The following TNFAIP6 variants were observed in gnomAD, a reference collection of about 807,000 sequenced individuals.
TNFAIP6 encodes the protein TNF alpha induced protein 6, also known as tumor necrosis factor-inducible gene 6 protein.
In TNFAIP6, 36 loss-of-function variants were observed where a neutral mutation model predicts 33.7. That is an observed-to-expected ratio of 1.07 (90% CI 0.82 to 1.41). TNFAIP6 has a LOEUF of 1.41. Among genes scored for constraint, TNFAIP6 ranks in the 40% most tolerant of loss-of-function variants. The pLI is 0.00. For synonymous variants in TNFAIP6, 113 were observed against 112.8 expected (o/e 1.00, Z -0.01); for missense variants, 273 against 331.9 (o/e 0.82, Z 1.38).
At chr2:151,376,877 T>TTG (rs1553467586) in intron 5 of TNFAIP6, among the ~76,000 whole-genome samples, 9 of 145,924 alleles carry the variant, frequency 6.2e-5, no homozygotes, top group Non-Finnish European at 1.2e-4. Flanking sequence ...TTTTTTTTTT[T>TTG]TTTTTTTTGT....
chr2:151,368,426 A>G (rs10432475), intron 3 of TNFAIP6: 11,768 of 148,886 alleles, frequency 0.079, 603 homozygotes, highest in East Asian at 0.17. Flanking sequence ...TTTTCTAGAC[A>G]TTAGACACTT....
At position 151,375,635 on chromosome 2, in the gene TNFAIP6, G is replaced by T. The variant is rs181026585; in HGVS notation, c.664+2046G>T. Among the ~76,000 whole-genome samples the T allele has an allele frequency of 4.6e-4, 70 of 152,020 alleles. No individual in the cohort carries two copies. The East Asian group carries it at 0.011, about 24-fold the overall frequency. Reference sequence around the variant, plus strand: ...AGGCAGGAGAATCGCTTGAACCTGGGAGGCAGAGGTTGCAGTGAGCTGAGA... The same window carrying T: ...AGGCAGGAGAATCGCTTGAACCTGGTAGGCAGAGGTTGCAGTGAGCTGAGA... On this transcript the variant is annotated intron_variant, in intron 5 of 5. Transcript: ENST00000243347.
Position 151,364,053 on chromosome 2 carries a change from A to G in TNFAIP6, c.205A>G (p.Lys69Glu). Residue 69 changes from lysine (K) to glutamate (E), a missense_variant, in exon 2 of 6, where the codon AAG becomes GAG. Physicochemically the swap from Lys to Glu is moderately conservative, Grantham distance 56. Coordinates refer to ENST00000243347, the MANE Select transcript of TNFAIP6 (RefSeq NM_007115.4). ...TGAAGGCGGCCATCTCGCAACTTAC[A>G]AGCAGCTAGAGGCAGCCAGAAAAAT... Reference protein sequence around the residue: ...EFEGGHLATYKQLEAARKIGF... With the variant: ...EFEGGHLATYEQLEAARKIGF... 1 of 1,614,128 alleles carries G rather than the reference A, an allele frequency of 6.2e-7. No individual in the cohort carries two copies. The highest frequency in any genetic ancestry group is 8.5e-7 in the Non-Finnish European group (1 of 1,180,004).
At chr2:151,373,669 G>A (rs982207133) in intron 5 of TNFAIP6, 80 bp downstream of exon 5, 3 of 643,072 alleles carry the variant, frequency 4.7e-6, no homozygotes, top group Non-Finnish European at 7.3e-6. Context: ...CTGTTAAATA[G>A]TAAATAGTAG....
chr2:151,361,938 A>G (rs1228577294), intron 1 of TNFAIP6, among the ~76,000 whole-genome samples: 1 of 152,190 alleles, frequency 6.6e-6, no homozygotes, highest in African/African-American at 2.4e-5. Context: ...TGGAGTTCAG[A>G]AAAACAAGCA....
chr2:151,362,935 T>A (rs1260710576), intron 1 of TNFAIP6, among the ~76,000 whole-genome samples: 1 of 152,238 alleles, frequency 6.6e-6, no homozygotes, highest in Non-Finnish European at 1.5e-5. Context: ...ATTGCTTACC[T>A]TTGCACGTTT....
chr2:151,373,216 G>T (rs1254625059), intron 4 of TNFAIP6, among the ~76,000 whole-genome samples: 1 of 152,136 alleles, frequency 6.6e-6, no homozygotes, highest in Non-Finnish European at 1.5e-5. Context: ...TTGGGAGGCT[G>T]AGGCAGGAGA....
rs35060021 is a variant in TNFAIP6 at position 151,379,531 on chromosome 2, T to TAA, written c.*11_*12dup. 174 of 1,336,012 alleles carry TAA rather than the reference T, an allele frequency of 1.3e-4. No individual in the cohort carries two copies. Among genetic ancestry groups the TAA allele is most frequent in the Admixed American group, 4.5e-4 (17 of 37,546 alleles). 82.8% of individuals were successfully genotyped at this position (1,336,012 alleles called of 1,614,324 possible). A position where few individuals can be genotyped will look rare whatever the true frequency, so the allele number is the denominator to read the frequency against. The change falls in exon 6 of 6, where the codon TAA becomes TAAAA. Residue 278 remains the stop codon, a frameshift_variant and stop_retained_variant. Coordinates refer to ENST00000243347, the MANE Select transcript of TNFAIP6 (RefSeq NM_007115.4). LOFTEE classifies it high-confidence loss of function. The part of the protein sequence containing the change: ...NFLAGRFSHL[*] Reference sequence around the variant, plus strand: ...TTTAGCTGGAAGATTTAGCCACTTATAAAAAAAAAAAAAAGGATGATCAAA... The same window carrying TAA: ...TTTAGCTGGAAGATTTAGCCACTTATAAAAAAAAAAAAAAAAGGATGATCAAA...
At chr2:151,367,694 G>A (rs1487498237) in intron 3 of TNFAIP6, among the ~76,000 whole-genome samples, 3 of 152,004 alleles carry the variant, frequency 2.0e-5, no homozygotes, top group South Asian at 2.1e-4. Flanking sequence ...TACACTCTGG[G>A]AATACAGAAT....
chr2:151,372,685 C>T (rs1426846527), intron 4 of TNFAIP6, among the ~76,000 whole-genome samples: 3 of 152,064 alleles, frequency 2.0e-5, no homozygotes, highest in Non-Finnish European at 4.4e-5. Flanking sequence ...TTTGGGAGGC[C>T]GAGGCAGTTG....
At chr2:151,370,825 C>A (rs1404907877) in intron 4 of TNFAIP6, among the ~76,000 whole-genome samples, 1 of 152,230 alleles carries the variant, frequency 6.6e-6, no homozygotes, top group African/African-American at 2.4e-5. Flanking sequence ...ATCCACACCA[C>A]TTTGGGAGGC....
chr2:151,373,597 T>C lies in TNFAIP6; in HGVS notation c.664+8T>C. On this transcript the variant is annotated splice_region_variant and intron_variant, in intron 5 of 5. Transcript: ENST00000243347. ...ATGACATCATCAGTACAGGTAAGGT[T>C]TTAAATTGAGGACCAAAACTATGAT... The C allele has an allele frequency of 6.6e-7, 1 of 1,512,960 alleles. No individual in the cohort carries two copies. Among genetic ancestry groups the C allele is most frequent in the Non-Finnish European group, 8.9e-7 (1 of 1,120,216 alleles). 93.7% of individuals were successfully genotyped at this position (1,512,960 alleles called of 1,614,324 possible).
At chr2:151,360,464 A>G (rs1684609013) in intron 1 of TNFAIP6, among the ~76,000 whole-genome samples, 1 of 152,194 alleles carries the variant, frequency 6.6e-6, no homozygotes, top group Non-Finnish European at 1.5e-5. Context: ...TACTGCCGCC[A>G]CTCACTAAAA....
At position 151,379,528 on chromosome 2, in the gene TNFAIP6, TTA is replaced by T; in HGVS notation, c.832_833del (p.Ter278LysfsTer35). ...CTTTTTAGCTGGAAGATTTAGCCAC[TTA>T]TAAAAAAAAAAAAAAGGATGATCAA... is the stretch of plus-strand genomic sequence containing the variant. ...KNFLAGRFSH[L>X] On this transcript the variant is annotated frameshift_variant, in exon 6 of 6. Transcript: ENST00000243347. LOFTEE classifies it high-confidence loss of function. 2.0e-6 allele frequency: 3 copies of T among 1,505,346 alleles called. No individual in the cohort carries two copies. Among genetic ancestry groups the T allele is most frequent in the Non-Finnish European group, 1.8e-6 (2 of 1,132,530 alleles). 93.2% of individuals were successfully genotyped at this position (1,505,346 alleles called of 1,614,324 possible).
At chr2:151,362,477 ATTCT>A (rs1684639887) in intron 1 of TNFAIP6, among the ~76,000 whole-genome samples, 2 of 82,810 alleles carry the variant, frequency 2.4e-5, no homozygotes, top group East Asian at 6.8e-4. Flanking sequence ...GTCTTACTAA[ATTCT>A]TTTTTTTTTT....
rs1395660266 is a variant in TNFAIP6, at chr2:151,362,490, T to G, written c.95-1453T>G. On this transcript the variant is annotated intron_variant, in intron 1 of 5. Coordinates refer to ENST00000243347, the MANE Select transcript of TNFAIP6 (RefSeq NM_007115.4). ...TTGTCTTACTAAATTCTTTTTTTTT[T>G]TTTTTTTTTTTTTTTTTTTTGAGAC... 1.8e-5 allele frequency among the ~76,000 whole-genome samples: 2 copies of G among 108,188 alleles called. 1 individual carries two copies. Among genetic ancestry groups the G allele is most frequent in the South Asian group, 6.6e-4 (2 of 3,024 alleles). The allele number at this position is 108,188 out of a possible 152,430, so 71.0% of individuals were successfully genotyped here. A position where few individuals can be genotyped will look rare whatever the true frequency, so the allele number is the denominator to read the frequency against.
At position 151,363,496 on chromosome 2, in the gene TNFAIP6, A is replaced by C. The variant is rs1234321994; in HGVS notation, c.95-447A>C. On this transcript the variant is annotated intron_variant, in intron 1 of 5. Coordinates refer to ENST00000243347, the MANE Select transcript of TNFAIP6 (RefSeq NM_007115.4). Reference sequence around the variant, plus strand: ...CACGGTGAAACCCTGTCGCTACTTTAAAAAAAAAAAAAAAAATTAGCCAGG... The same window carrying C: ...CACGGTGAAACCCTGTCGCTACTTTCAAAAAAAAAAAAAAAATTAGCCAGG... Among the ~76,000 whole-genome samples the C allele has an allele frequency of 6.7e-3, 6 of 900 alleles. No individual in the cohort carries two copies. In the East Asian group the frequency reaches 0.27, roughly 41 times the overall value. 0.6% of individuals were successfully genotyped at this position (900 alleles called of 152,430 possible).
rs112145975 is a variant in TNFAIP6, at chr2:151,359,623, C to T, written c.94+1863C>T. On this transcript the variant is annotated intron_variant, in intron 1 of 5. Coordinates refer to ENST00000243347, the MANE Select transcript of TNFAIP6 (RefSeq NM_007115.4). Reference sequence around the variant, plus strand: ...CAGGGTGGTCTCAATCTCCTGACCTCGTGATCCGCCCACCTTGGCCTCCCA... The same window carrying T: ...CAGGGTGGTCTCAATCTCCTGACCTTGTGATCCGCCCACCTTGGCCTCCCA... Among the ~76,000 whole-genome samples the T allele has an allele frequency of 2.4e-3, 361 of 152,234 alleles. 2 individuals are homozygous for T. Among genetic ancestry groups the T allele is most frequent in the Non-Finnish European group, 4.1e-3 (282 of 68,010 alleles).
Position 151,357,687 on chromosome 2 carries a change from A to G in TNFAIP6, c.21A>G (p.Leu7=). 1 of 1,611,342 alleles carries G rather than the reference A, an allele frequency of 6.2e-7. No individual in the cohort carries two copies. The highest frequency in any genetic ancestry group is 1.3e-5 in the African/African-American group (1 of 75,002). The change falls in exon 1 of 6, where the codon TTA becomes TTG. Residue 7 remains leucine (L), a synonymous_variant. Transcript: ENST00000243347. MIILIY[L]FLLLWEDTQG... ...ACGATATGATCATCTTAATTTACTT[A>G]TTTCTCTTGCTATGGGAAGACACTC...
Sources: allele counts gnomAD v4.1 joint callset (sites outside exome capture counted in the v4.1 genomes callset), GRCh38; gene constraint gnomAD v4.1.1; transcripts MANE v1.5; gene names NCBI Gene and HGNC (gene_info 2026-07-23, HGNC 2026-07-21).